BNC2: variants seen among roughly 807,000 people sequenced by gnomAD.
BNC2 encodes zinc finger protein basonuclin-2.
BNC2 carries 20 observed loss-of-function variants against 76.3 expected under a neutral mutation model. The observed-to-expected ratio is 0.26, with a 90% confidence interval of 0.18 to 0.38. BNC2 has a LOEUF of 0.38. BNC2 is among the 10% of genes least tolerant of loss of function. The pLI, the probability that BNC2 is intolerant of heterozygous loss-of-function variation, is 1.00. For missense variants in BNC2, 1,382 were observed against 1,399.8 expected, an observed-to-expected ratio of 0.99 and a Z score of 0.20; for synonymous variants, 582 against 514.8, an observed-to-expected ratio of 1.13 and a Z score of -1.77.
chr9:16,853,313 G>A (rs1819172036), intron 1 of BNC2, among the ~76,000 whole-genome samples: 1 of 151,532 alleles, frequency 6.6e-6, no homozygotes. Context: ...GGCTAAGGTG[G>A]AGGATCACCT....
chr9:16,802,712 G>C (rs1817813966), intron 1 of BNC2, among the ~76,000 whole-genome samples: 1 of 152,294 alleles, frequency 6.6e-6, no homozygotes, highest in South Asian at 2.1e-4. Flanking sequence ...CACACTATTT[G>C]AAATTCCAAG....
intron 6 of BNC2, among the ~76,000 whole-genome samples, chr9:16,423,106 T>C (rs1472461085): frequency 6.6e-6 from 1 of 152,194 alleles, no homozygotes; most frequent in South Asian, 2.1e-4. Context: ...CCCTACTCAG[T>C]TGTATGTAAC....
Position 16,414,546 on chromosome 9 carries a change from G to C in BNC2, c.*4443C>G, listed in dbSNP as rs987891130. On this transcript the variant is annotated 3_prime_UTR_variant, in exon 7 of 7. Transcript: ENST00000380672. ...TTAAAAAAGAAGCTCTTAAGAAAAGGGTGTGACCACAGGATGAAAAAAAGT... is the reference window on the plus strand; with the variant it reads ...TTAAAAAAGAAGCTCTTAAGAAAAGCGTGTGACCACAGGATGAAAAAAAGT... The C allele has an allele frequency of 1.3e-5, 2 of 152,150 alleles. No individual in the cohort carries two copies. Among genetic ancestry groups the C allele is most frequent in the African/African-American group, 4.8e-5 (2 of 41,422 alleles). 9.4% of individuals were successfully genotyped at this position (152,150 alleles called of 1,614,324 possible).
At chr9:16,535,483 T>C (rs994784529) in intron 5 of BNC2, among the ~76,000 whole-genome samples, 2 of 152,150 alleles carry the variant, frequency 1.3e-5, no homozygotes, top group Non-Finnish European at 2.9e-5. Context: ...CACCTTTTTT[T>C]CTCCCTCATC....
chr9:16,707,657 T>A (rs1395021489), intron 3 of BNC2, among the ~76,000 whole-genome samples: 1 of 152,076 alleles, frequency 6.6e-6, no homozygotes, highest in Admixed American at 6.6e-5. Flanking sequence ...TATTATTATT[T>A]TTGAGATGGA....
intron 1 of BNC2, among the ~76,000 whole-genome samples, chr9:16,868,884 A>G (rs893679171): frequency 2.6e-5 from 4 of 152,214 alleles, no homozygotes; most frequent in African/African-American, 9.6e-5. Flanking sequence ...GATCAGACAC[A>G]CTAAGTAACG....
At chr9:16,755,430 C>T (rs1825355137) in intron 1 of BNC2, among the ~76,000 whole-genome samples, 3 of 152,046 alleles carry the variant, frequency 2.0e-5, no homozygotes, top group Admixed American at 6.6e-5. Flanking sequence ...GCTACATTAT[C>T]CAGGAAAAGT....
rs528858481 is a variant in BNC2, at chr9:16,680,781, G to A, written c.330+47016C>T. ...TACAGATTCCAAGCAGATGCAAAAG[G>A]CTTCTGTGCATGTTAGTGATTACGT... On this transcript the variant is annotated intron_variant, in intron 3 of 6. Transcript: ENST00000380672. Among the ~76,000 whole-genome samples, 5 of 151,692 alleles carry A rather than the reference G, an allele frequency of 3.3e-5. No homozygotes were observed. The East Asian group carries it at 9.7e-4, about 29-fold the overall frequency.
At chr9:16,593,329 C>A (rs943912728) in intron 3 of BNC2, among the ~76,000 whole-genome samples, 1 of 152,014 alleles carries the variant, frequency 6.6e-6, no homozygotes, top group African/African-American at 2.4e-5. Flanking sequence ...CACACACAGG[C>A]ATATAAATTT....
chr9:16,526,165 T>A (rs964113495), intron 5 of BNC2, among the ~76,000 whole-genome samples: 20 of 152,124 alleles, frequency 1.3e-4, no homozygotes, highest in African/African-American at 4.8e-4. Context: ...CAGATCACTG[T>A]TGTATTTAAT....
intron 1 of BNC2, among the ~76,000 whole-genome samples, chr9:16,790,656 T>A (rs1817479967): frequency 6.6e-6 from 1 of 152,164 alleles, no homozygotes; most frequent in African/African-American, 2.4e-5. Flanking sequence ...TCCTCTCATA[T>A]GATTTTTTTT....
chr9:16,592,918 A>G (rs1419014348), intron 3 of BNC2, among the ~76,000 whole-genome samples: 1 of 152,164 alleles, frequency 6.6e-6, no homozygotes, highest in Non-Finnish European at 1.5e-5. Context: ...TGAAAATATT[A>G]AAACCTAATA....
chr9:16,680,771 G>T (rs1042784673), intron 3 of BNC2, among the ~76,000 whole-genome samples: 6 of 151,670 alleles, frequency 4.0e-5, no homozygotes, highest in African/African-American at 1.5e-4. Context: ...ATTCCAAGCA[G>T]ATGCAAAAGG....
chr9:16,476,941 G>T (rs937171156), intron 5 of BNC2, among the ~76,000 whole-genome samples: 1 of 152,078 alleles, frequency 6.6e-6, no homozygotes, highest in Non-Finnish European at 1.5e-5. Context: ...ACATTAGCAG[G>T]GAGGGTGTCA....
intron 1 of BNC2, among the ~76,000 whole-genome samples, chr9:16,839,640 G>A (rs567667723): frequency 1.2e-3 from 182 of 152,204 alleles, no homozygotes; most frequent in African/African-American, 4.2e-3. Flanking sequence ...CTTCTTAGGC[G>A]CCATCACTAT....
intron 3 of BNC2, among the ~76,000 whole-genome samples, chr9:16,709,791 A>C (rs903365323): frequency 5.9e-5 from 9 of 152,186 alleles, no homozygotes; most frequent in African/African-American, 2.2e-4. Flanking sequence ...TTCAAAGTTT[A>C]AGCATTGTCA....
chr9:16,759,004 G>A (rs1445037345), intron 1 of BNC2, among the ~76,000 whole-genome samples: 2 of 152,096 alleles, frequency 1.3e-5, no homozygotes, highest in Admixed American at 6.5e-5. Flanking sequence ...AGATTCCTAA[G>A]GAAATTTGTT....
At position 16,779,693 on chromosome 9, in the gene BNC2, G is replaced by A. The variant is rs138180583; in HGVS notation, c.4-41208C>T. Among the ~76,000 whole-genome samples the A allele has an allele frequency of 4.4e-3, 677 of 152,252 alleles. 3 individuals are homozygous for A. Among genetic ancestry groups the A allele is most frequent in the African/African-American group, 0.015 (639 of 41,548 alleles). On this transcript the variant is annotated intron_variant, in intron 1 of 6. Coordinates refer to ENST00000380672, the MANE Select transcript of BNC2 (RefSeq NM_017637.6). The stretch of plus-strand genomic sequence containing the variant: ...AAATATTGATATATGGCACAACATG[G>A]ATGAACCTTGAAAATATAAAAAGAA...
intron 5 of BNC2, among the ~76,000 whole-genome samples, chr9:16,517,357 T>C (rs1817473249): frequency 6.6e-6 from 1 of 152,340 alleles, no homozygotes; most frequent in Non-Finnish European, 1.5e-5. Flanking sequence ...GATATGCTAC[T>C]ATATACTGAA....
Sources: allele counts gnomAD v4.1 joint callset (sites outside exome capture counted in the v4.1 genomes callset), GRCh38; gene constraint gnomAD v4.1.1; transcripts MANE v1.5; gene names NCBI Gene and HGNC (gene_info 2026-07-23, HGNC 2026-07-21).